RNF34: variants seen among roughly 807,000 people sequenced by gnomAD.
RNF34 encodes the protein ring finger protein 34, also known as E3 ubiquitin-protein ligase RNF34.
Under a neutral mutation model 37.9 loss-of-function variants are expected in RNF34, and 12 were observed. That is an observed-to-expected ratio of 0.32 (90% CI 0.20 to 0.51). RNF34 has a LOEUF of 0.51. Among genes scored for constraint, RNF34 ranks in the 20% least tolerant of loss-of-function variants. RNF34 has a pLI of 0.97. For synonymous variants in RNF34, 155 were observed against 177.2 expected (o/e 0.87, Z 1.00); for missense variants, 362 against 472.7 (o/e 0.77, Z 2.17).
At chr12:121,408,135 G>A (rs1555280891) in intron 1 of RNF34, among the ~76,000 whole-genome samples, 2 of 151,918 alleles carry the variant, frequency 1.3e-5, no homozygotes, top group Non-Finnish European at 2.9e-5. Flanking sequence ...TCAAGACCCC[G>A]TCTCTAAAAA....
chr12:121,417,791 T>G lies in RNF34; in HGVS notation c.513T>G (p.Thr171=). Residue 171 remains threonine (T), a synonymous_variant, in exon 3 of 6, where the codon ACT becomes ACG. Transcript: ENST00000361234. The surrounding 1 kb of genome is among the most constrained non-coding windows in gnomAD (Gnocchi z 5.0). ...TSSLNSSRSQ[T]SSFFTRSFFS... is the part of the protein sequence containing the mutation. ...GTCTGAATTCTTCAAGGTCCCAGAC[T>G]TCTAGCTTTTTTACACGTTCGTTTT... The G allele has an allele frequency of 6.2e-7, 1 of 1,614,220 alleles. No individual in the cohort carries two copies. The highest frequency in any genetic ancestry group is 8.5e-7 in the Non-Finnish European group (1 of 1,180,048).
chr12:121,423,744 C>T lies in RNF34; in HGVS notation c.*168C>T. The stretch of plus-strand genomic sequence containing the variant: ...ATCCTGAGTTGTGGAAACATTGGTC[C>T]ATGCCGTGAGCCTGTCTGCCTGTGG... On this transcript the variant is annotated 3_prime_UTR_variant, in exon 6 of 6. Coordinates refer to ENST00000361234, the MANE Select transcript of RNF34 (RefSeq NM_025126.4). This position sits in a 1 kb window ranked among gnomAD's most constrained non-coding sequence, Gnocchi z 4.3. The T allele has an allele frequency of 3.1e-6, 2 of 643,656 alleles. No individual in the cohort carries two copies. Among genetic ancestry groups the T allele is most frequent in the South Asian group, 4.1e-5 (2 of 48,566 alleles). 39.9% of individuals were successfully genotyped at this position (643,656 alleles called of 1,614,324 possible).
chr12:121,412,849 C>T (rs1871216511), intron 1 of RNF34, among the ~76,000 whole-genome samples: 2 of 151,336 alleles, frequency 1.3e-5, no homozygotes, highest in African/African-American at 4.9e-5. Context: ...CTTAGCCTCC[C>T]AAGTAGCTGG....
intron 3 of RNF34, among the ~76,000 whole-genome samples, chr12:121,419,505 AC>A (rs1298012095): frequency 6.6e-6 from 1 of 152,158 alleles, no homozygotes; most frequent in African/African-American, 2.4e-5. Context: ...TGACTTACAT[AC>A]CCCTTTTGGG....
chr12:121,406,431 C>T (rs1870540586), intron 1 of RNF34, among the ~76,000 whole-genome samples: 1 of 151,982 alleles, frequency 6.6e-6, no homozygotes, highest in African/African-American at 2.4e-5. Context: ...GGACTACAGG[C>T]ACTTGCCACC....
rs1871635612 is a variant in RNF34 at position 121,417,027 on chromosome 12, T to G, written c.226-477T>G. On this transcript the variant is annotated intron_variant, in intron 2 of 5. Coordinates refer to ENST00000361234, the MANE Select transcript of RNF34 (RefSeq NM_025126.4). This position sits in a 1 kb window ranked among gnomAD's most constrained non-coding sequence, Gnocchi z 5.0. ...TTGATTGTGATTAGGCTGTGTAGTTTACAGATTACTGTATTAGTGGGTCCT... is the reference window on the plus strand; with the variant it reads ...TTGATTGTGATTAGGCTGTGTAGTTGACAGATTACTGTATTAGTGGGTCCT... 6.6e-6 allele frequency among the ~76,000 whole-genome samples: 1 copy of G among 152,248 alleles called. No homozygotes were observed. The highest frequency in any genetic ancestry group is 1.5e-5 in the Non-Finnish European group (1 of 68,048).
intron 1 of RNF34, among the ~76,000 whole-genome samples, chr12:121,410,981 C>A (rs1300073587): frequency 1.3e-5 from 2 of 152,188 alleles, no homozygotes; most frequent in African/African-American, 4.8e-5. Context: ...GTCACCCAGG[C>A]TGGAGTGCGG....
intron 1 of RNF34, among the ~76,000 whole-genome samples, chr12:121,406,703 G>A (rs1555280731): frequency 6.6e-6 from 1 of 152,204 alleles, no homozygotes; most frequent in African/African-American, 2.4e-5. Flanking sequence ...GTAGGAAAGG[G>A]ATTAGACTAT....
In RNF34 at chr12:121,420,295, TGAG is replaced by T. The variant is rs1566234982; in HGVS notation, c.690_692del (p.Glu230del). ...CAGAAGATGATGATGACGACGATGATGAGGATGATGATGATGAAGAAGAAAACG... is the reference window on the plus strand; with the variant it reads ...CAGAAGATGATGATGACGACGATGATGATGATGATGATGAAGAAGAAAACG... On this transcript the variant is annotated inframe_deletion, in exon 4 of 6. Transcript: ENST00000361234. The T allele has an allele frequency of 1.3e-6, 2 of 1,588,384 alleles. No individual in the cohort carries two copies. Among genetic ancestry groups the T allele is most frequent in the Admixed American group, 1.8e-5 (1 of 57,026 alleles).
chr12:121,408,747 G>T (rs555463139), intron 1 of RNF34, among the ~76,000 whole-genome samples: 76 of 152,246 alleles, frequency 5.0e-4, no homozygotes, highest in African/African-American at 1.8e-3. Flanking sequence ...TTGAACAATG[G>T]CTGCTTTTGA....
intron 1 of RNF34, among the ~76,000 whole-genome samples, chr12:121,413,112 G>A (rs113569984): frequency 0.19 from 28,844 of 151,564 alleles, 4,201 homozygotes; most frequent in African/African-American, 0.41. Context: ...TGCAACCTCC[G>A]CCTCCCCGGT....
At chr12:121,405,588 G>A (rs79012375) in intron 1 of RNF34, among the ~76,000 whole-genome samples, 29,043 of 151,216 alleles carry the variant, frequency 0.19, 4,286 homozygotes, top group African/African-American at 0.41. Context: ...GGTTCAAGCA[G>A]TTCTCCTGCC....
chr12:121,421,647 AG>A (rs1872174691), intron 5 of RNF34, among the ~76,000 whole-genome samples: 1 of 152,216 alleles, frequency 6.6e-6, no homozygotes, highest in African/African-American at 2.4e-5. Flanking sequence ...TTTATGGACA[AG>A]AAAAAATAAT....
chr12:121,414,628 A>C (rs892452465), intron 1 of RNF34, among the ~76,000 whole-genome samples: 1 of 152,322 alleles, frequency 6.6e-6, no homozygotes, highest in East Asian at 1.9e-4. Flanking sequence ...AATTATGTTT[A>C]GTATCTTCAG....
chr12:121,407,679 A>G (rs1383121925), intron 1 of RNF34, among the ~76,000 whole-genome samples: 1 of 152,252 alleles, frequency 6.6e-6, no homozygotes, highest in East Asian at 1.9e-4. Flanking sequence ...AGAAAAATAA[A>G]GGAATACAGG....
rs1437315138 is a variant in RNF34 at position 121,416,336 on chromosome 12, T to G, written c.184T>G (p.Cys62Gly). 1.2e-5 allele frequency: 19 copies of G among 1,614,026 alleles called. No homozygotes were observed. The highest frequency in any genetic ancestry group is 1.7e-6 in the Non-Finnish European group (2 of 1,180,000). Residue 62 changes from cysteine (C) to glycine (G), a missense_variant, in exon 2 of 6, where the codon TGT (cysteine) becomes GGT (glycine). Coordinates refer to ENST00000361234, the MANE Select transcript of RNF34 (RefSeq NM_025126.4). Reference protein sequence around the residue: ...PAATEGPNIVCKACGLSFSVF... With the variant: ...PAATEGPNIVGKACGLSFSVF... ...AGCTACGGAAGGGCCCAACATAGTT[T>G]GTAAAGCCTGTGGGCTTTCATTTTC... is the stretch of plus-strand genomic sequence containing the variant.
intron 1 of RNF34, among the ~76,000 whole-genome samples, chr12:121,403,843 A>G (rs577570233): frequency 6.6e-6 from 1 of 152,264 alleles, no homozygotes; most frequent in African/African-American, 2.4e-5. Flanking sequence ...CTATGGGTTT[A>G]TTATTACATT....
At chr12:121,404,917 A>G (rs10774594) in intron 1 of RNF34, 47,324 of 152,142 alleles carry the variant, frequency 0.31, 8,900 homozygotes, top group East Asian at 0.43. Flanking sequence ...GGCCATTTGA[A>G]AATCCTGGCA....
chr12:121,413,663 C>T (rs544095678), intron 1 of RNF34, among the ~76,000 whole-genome samples: 2 of 151,012 alleles, frequency 1.3e-5, no homozygotes, highest in African/African-American at 2.4e-5. Context: ...CTGCAAGCTC[C>T]GCCTCCCGGG....
Sources: gnomAD v4.1 joint callset for allele counts (sites outside exome capture counted in the v4.1 genomes callset) on GRCh38, gnomAD v4.1.1 for gene constraint, Gnocchi (gnomAD v3.1) non-coding constraint, MANE v1.5 for transcripts, NCBI Gene and HGNC (gene_info 2026-07-23, HGNC 2026-07-21) for gene names.